The following GPR39 variants were observed in gnomAD, a reference collection of about 807,000 sequenced individuals.
The protein encoded by GPR39 is zinc sensing receptor.
GPR39 carries 23 observed loss-of-function variants against 18.4 expected under a neutral mutation model. The observed-to-expected ratio is 1.25, with a 90% CI of 0.90 to 1.77. GPR39 has a LOEUF of 1.77. Ranked by LOEUF, GPR39 falls within the 40% of genes most tolerant of loss-of-function variation. GPR39 has a pLI of 0.00. For missense variants in GPR39, 647 were observed against 602.4 expected, an observed-to-expected ratio of 1.07 and a Z score of -0.78; for synonymous variants, 280 against 257.9, an observed-to-expected ratio of 1.09 and a Z score of -0.82.
intron 1 of GPR39, among the ~76,000 whole-genome samples, chr2:132,462,495 G>A (rs1420879699): frequency 6.6e-6 from 1 of 152,144 alleles, no homozygotes; most frequent in Non-Finnish European, 1.5e-5. Flanking sequence ...GCCATTCAAG[G>A]CCCTCCTGAT....
At chr2:132,476,036 C>CTT (rs909271847) in intron 1 of GPR39, among the ~76,000 whole-genome samples, 1 of 147,280 alleles carries the variant, frequency 6.8e-6, no homozygotes, top group Non-Finnish European at 1.5e-5. Flanking sequence ...CAGAGGGATT[C>CTT]TTTTTTTTTT....
intron 1 of GPR39, among the ~76,000 whole-genome samples, chr2:132,459,755 A>G (rs1420081217): frequency 2.0e-5 from 3 of 152,228 alleles, no homozygotes; most frequent in Admixed American, 1.3e-4. Context: ...CGAAGACTTG[A>G]TAATGCATAG....
chr2:132,442,832 A>C (rs1680465012), intron 1 of GPR39, among the ~76,000 whole-genome samples: 1 of 152,180 alleles, frequency 6.6e-6, no homozygotes, highest in Non-Finnish European at 1.5e-5. Context: ...ATGGTGACTG[A>C]GGAACATTTT....
At chr2:132,554,176 G>A (rs996942793) in intron 1 of GPR39, among the ~76,000 whole-genome samples, 10 of 152,194 alleles carry the variant, frequency 6.6e-5, no homozygotes, top group African/African-American at 2.2e-4. Context: ...AAAACTGGGA[G>A]CCGTGGTGGC....
At chr2:132,559,403 G>A (rs552572686) in intron 1 of GPR39, among the ~76,000 whole-genome samples, 21 of 152,184 alleles carry the variant, frequency 1.4e-4, no homozygotes, top group South Asian at 6.2e-4. Flanking sequence ...CTTTCCATGC[G>A]TAGAAAATGG....
intron 1 of GPR39, among the ~76,000 whole-genome samples, chr2:132,639,759 G>A (rs746577702): frequency 2.0e-5 from 3 of 152,216 alleles, no homozygotes; most frequent in Non-Finnish European, 4.4e-5. Flanking sequence ...AGCAGGAAAC[G>A]TTCTCCAGAG....
chr2:132,431,070 T>C lies in GPR39; in HGVS notation c.856+13172T>C, dbSNP rs113323305. Among the ~76,000 whole-genome samples, 1,027 of 152,252 alleles carry C rather than the reference T, an allele frequency of 6.7e-3. 14 individuals are homozygous for C. The highest frequency in any genetic ancestry group is 0.023 in the African/African-American group (949 of 41,538). ...TGAAATGCTGCTGCCAGAAGCTGGT[T>C]GGTGCCAAATCCCCAGGGCATGTCT... On this transcript the variant is annotated intron_variant, in intron 1 of 1. Transcript: ENST00000329321.
rs1682033341 is a variant in GPR39 at position 132,645,741 on chromosome 2, C to T, written c.*135C>T. 8.1e-7 allele frequency: 1 copy of T among 1,239,486 alleles called. No individual in the cohort carries two copies. Among genetic ancestry groups the T allele is most frequent in the East Asian group, 2.4e-5 (1 of 41,162 alleles). The allele number at this position is 1,239,486 out of a possible 1,614,324, so 76.8% of individuals were successfully genotyped here. A position where few individuals can be genotyped will look rare whatever the true frequency, so the allele number is the denominator to read the frequency against. Reference sequence around the variant, plus strand: ...GGAGGCTTTACAAAAGGCAGATGCCCACCTCAGTGACTTCTAAGGACTGAC... The same window carrying T: ...GGAGGCTTTACAAAAGGCAGATGCCTACCTCAGTGACTTCTAAGGACTGAC... On this transcript the variant is annotated 3_prime_UTR_variant, in exon 2 of 2. Transcript: ENST00000329321.
rs1262803735 is a variant in GPR39, at chr2:132,645,140, A to G, written c.896A>G (p.Asn299Ser). Residue 299 changes from asparagine to serine, a missense_variant, in exon 2 of 2, where the codon AAC becomes AGC. Physicochemically the swap from Asn to Ser is conservative, Grantham distance 46. Transcript: ENST00000329321. ...ACATTGGCCGTATGCTGGATGCCCA[A>G]CCAGATTCGGAGGATCATGGCTGCG... ...VVTLAVCWMP[N>S]QIRRIMAAAK... 2 of 1,614,060 alleles carry G rather than the reference A, an allele frequency of 1.2e-6. No homozygotes were observed. The highest frequency in any genetic ancestry group is 1.7e-6 in the Non-Finnish European group (2 of 1,179,988).
At chr2:132,471,303 C>T (rs1445492707) in intron 1 of GPR39, among the ~76,000 whole-genome samples, 2 of 151,968 alleles carry the variant, frequency 1.3e-5, no homozygotes, top group African/African-American at 4.8e-5. Context: ...CCTGTCTCCT[C>T]ATACTCATTG....
rs768681041 is a variant in GPR39 at position 132,645,301 on chromosome 2, C to T, written c.1057C>T (p.Arg353Trp). 2.5e-6 allele frequency: 4 copies of T among 1,614,074 alleles called. No individual in the cohort carries two copies. The African/African-American group carries it at 4.0e-5, about 16-fold the overall frequency. Residue 353 changes from arginine (R) to tryptophan (W), a missense_variant, in exon 2 of 2, where the codon CGG becomes TGG. Around this residue, in one of 3 missense-constraint regions of GPR39, gnomAD observed 581 missense variants for 506.8 expected, o/e 1.15. Coordinates refer to ENST00000329321, the MANE Select transcript of GPR39 (RefSeq NM_001508.3). ...LYTVSSQQFRRVFVQVLCCRL... is the reference protein window; with the variant it reads ...LYTVSSQQFRWVFVQVLCCRL... ...CACGGTGTCCTCGCAGCAGTTTCGGCGGGTGTTCGTGCAGGTGCTGTGCTG... is the reference window on the plus strand; with the variant it reads ...CACGGTGTCCTCGCAGCAGTTTCGGTGGGTGTTCGTGCAGGTGCTGTGCTG...
At chr2:132,611,448 A>G (rs557374365) in intron 1 of GPR39, among the ~76,000 whole-genome samples, 2 of 152,336 alleles carry the variant, frequency 1.3e-5, no homozygotes, top group East Asian at 3.9e-4. Context: ...TTCAAGTGAC[A>G]GAGCAAGTGC....
intron 1 of GPR39, among the ~76,000 whole-genome samples, chr2:132,593,031 C>A (rs557822312): frequency 5.3e-5 from 8 of 152,148 alleles, no homozygotes; most frequent in Non-Finnish European, 7.3e-5. Flanking sequence ...TCACTGAAAG[C>A]GCTATACTTA....
Position 132,474,430 on chromosome 2 carries a change from C to T in GPR39, c.856+56532C>T, listed in dbSNP as rs552566759. The stretch of plus-strand genomic sequence containing the variant: ...ACCTGGAAGGGACTGTAGGACGTGG[C>T]TAATATATGCTTTGGATATGGAGCT... On this transcript the variant is annotated intron_variant, in intron 1 of 1. Transcript: ENST00000329321. Among the ~76,000 whole-genome samples, 5 of 152,262 alleles carry T rather than the reference C, an allele frequency of 3.3e-5. No homozygotes were observed. In the South Asian group the frequency reaches 1.0e-3, roughly 32 times the overall value.
intron 1 of GPR39, among the ~76,000 whole-genome samples, chr2:132,473,098 G>A (rs1405940940): frequency 1.3e-5 from 2 of 152,102 alleles, no homozygotes; most frequent in South Asian, 2.1e-4. Flanking sequence ...GAATCACCGG[G>A]TAAATAAATT....
At chr2:132,517,564 G>A (rs1039336578) in intron 1 of GPR39, among the ~76,000 whole-genome samples, 9 of 152,108 alleles carry the variant, frequency 5.9e-5, no homozygotes, top group African/African-American at 2.2e-4. Context: ...CTGAACCATT[G>A]CCCTCCAGTT....
At chr2:132,593,702 TTTTTTCTGTCACCTAAGCAG>T in intron 1 of GPR39, among the ~76,000 whole-genome samples, 1 of 152,282 alleles carries the variant, frequency 6.6e-6, no homozygotes, top group East Asian at 1.9e-4. Flanking sequence ...ATGTGATTTT[TTTTTTCTGTCACCTAAGCAG>T]AGATGCAAGT....
At chr2:132,548,325 G>A (rs964517003) in intron 1 of GPR39, among the ~76,000 whole-genome samples, 4 of 152,148 alleles carry the variant, frequency 2.6e-5, no homozygotes, top group African/African-American at 9.7e-5. Flanking sequence ...TCCACTTGGG[G>A]GTCTTACCCT....
intron 1 of GPR39, among the ~76,000 whole-genome samples, chr2:132,564,376 A>G (rs1252181936): frequency 1.3e-5 from 2 of 152,178 alleles, no homozygotes; most frequent in Non-Finnish European, 2.9e-5. Context: ...TAATAAACAG[A>G]TATGACTAAT....
Sources: gnomAD v4.1 joint callset for allele counts (sites outside exome capture counted in the v4.1 genomes callset) on GRCh38, gnomAD v4.1.1 for gene constraint, gnomAD v4.1.1 regional missense constraint, MANE v1.5 for transcripts, NCBI Gene and HGNC (gene_info 2026-07-23, HGNC 2026-07-21) for gene names.